The following P2RX7 variants were observed in gnomAD, a reference collection of about 807,000 sequenced individuals.
P2RX7 encodes the protein purinergic receptor P2X 7, also known as P2X purinoceptor 7.
P2RX7 carries 62 observed loss-of-function variants against 71.6 expected under a neutral mutation model. The ratio of observed to expected loss-of-function variants is 0.87; its 90% CI spans 0.71 to 1.07. P2RX7 has a LOEUF of 1.07. Among genes scored for constraint, P2RX7 ranks in the 50% least tolerant of loss-of-function variants. The probability of loss-of-function intolerance (pLI) is 0.00; values close to 1 mark genes in which losing one functional copy is unlikely to be tolerated. For missense variants in P2RX7, 686 were observed against 748.5 expected, an observed-to-expected ratio of 0.92 and a Z score of 0.97; for synonymous variants, 299 against 283.3, an observed-to-expected ratio of 1.06 and a Z score of -0.56.
chr12:121,136,660 T>G (rs1447276534), intron 1 of P2RX7, among the ~76,000 whole-genome samples: 1 of 148,318 alleles, frequency 6.7e-6, no homozygotes, highest in African/African-American at 2.5e-5. Context: ...TTTTTTTTTT[T>G]TTTTTGAGTT....
intron 4 of P2RX7, 99 bp from the exon 5 acceptor site, chr12:121,162,325 A>G (rs1879891295): frequency 2.6e-6 from 4 of 1,515,016 alleles, no homozygotes; most frequent in South Asian, 1.3e-5. Flanking sequence ...GTCAAAGCCT[A>G]GTCTCTCGCC....
chr12:121,156,428 C>T (rs926925117), intron 3 of P2RX7, among the ~76,000 whole-genome samples: 5 of 152,254 alleles, frequency 3.3e-5, no homozygotes, highest in African/African-American at 4.8e-5. Context: ...CTATCTCTGG[C>T]TCTCTTCGCA....
intron 1 of P2RX7, among the ~76,000 whole-genome samples, chr12:121,138,200 G>A (rs972057072): frequency 6.6e-6 from 1 of 152,338 alleles, no homozygotes; most frequent in East Asian, 1.9e-4. Flanking sequence ...GTCCTCGGAC[G>A]TGGATGAAGA....
At chr12:121,165,467 G>C (rs1565961340) in intron 6 of P2RX7, 30 bp downstream of exon 6, 2 of 1,518,760 alleles carry the variant, frequency 1.3e-6, no homozygotes, top group South Asian at 2.2e-5. Flanking sequence ...GGCTGTCTTA[G>C]TTATCTACTG....
intron 8 of P2RX7, among the ~76,000 whole-genome samples, chr12:121,173,146 C>G (rs553543006): frequency 2.4e-3 from 372 of 152,166 alleles, no homozygotes; most frequent in Non-Finnish European, 5.0e-3. Context: ...TGAGTGATGA[C>G]AGAGAGAGGT....
At chr12:121,144,846 CAA>C (rs971460992) in intron 1 of P2RX7, among the ~76,000 whole-genome samples, 12 of 152,070 alleles carry the variant, frequency 7.9e-5, no homozygotes, top group African/African-American at 2.9e-4. Flanking sequence ...GAGGATGAGT[CAA>C]AGAGTGCACC....
rs193183060 is a variant in P2RX7, at chr12:121,136,176, C to T, written c.125+3081C>T. ...TGCTGAAATCTAAAATAAGACATAT[C>T]ACTTAAACCAGCTATCATAGGACCA... On this transcript the variant is annotated intron_variant, in intron 1 of 12. Coordinates refer to ENST00000328963, the MANE Select transcript of P2RX7 (RefSeq NM_002562.6). 2.7e-5 allele frequency among the ~76,000 whole-genome samples: 4 copies of T among 147,356 alleles called. No individual in the cohort carries two copies. The Admixed American group carries it at 2.7e-4, about 10-fold the overall frequency.
chr12:121,171,035 G>T (rs1434222541), intron 8 of P2RX7, among the ~76,000 whole-genome samples: 2 of 152,058 alleles, frequency 1.3e-5, no homozygotes, highest in Admixed American at 6.6e-5. Context: ...AGTGGATCAG[G>T]CCACCCAGAA....
At chr12:121,172,271 C>A (rs1021750374) in intron 8 of P2RX7, among the ~76,000 whole-genome samples, 3 of 152,152 alleles carry the variant, frequency 2.0e-5, no homozygotes, top group Admixed American at 6.6e-5. Flanking sequence ...CAAACCAACT[C>A]ACATAGGGAG....
chr12:121,173,176 TTTTGTTTGTTTG>T (rs148833286), intron 8 of P2RX7, among the ~76,000 whole-genome samples: 1 of 150,776 alleles, frequency 6.6e-6, no homozygotes, highest in Non-Finnish European at 1.5e-5. Context: ...TCAAAGAATA[TTTTGTTTGTTTG>T]TTTGTTTGTT....
chr12:121,134,480 C>A (rs1245416457), intron 1 of P2RX7, among the ~76,000 whole-genome samples: 1 of 152,172 alleles, frequency 6.6e-6, no homozygotes, highest in African/African-American at 2.4e-5. Context: ...CAACCTCCAC[C>A]TCCCCGGTTC....
intron 8 of P2RX7, among the ~76,000 whole-genome samples, chr12:121,170,039 G>A (rs1461123090): frequency 6.6e-6 from 1 of 152,140 alleles, no homozygotes; most frequent in African/African-American, 2.4e-5. Context: ...TCTGTCATCT[G>A]CCTGGCCCCT....
At chr12:121,169,537 C>T (rs2857591) in intron 8 of P2RX7, among the ~76,000 whole-genome samples, 58,816 of 151,676 alleles carry the variant, frequency 0.39, 11,792 homozygotes, top group African/African-American at 0.45. Flanking sequence ...CAAAGCAGCT[C>T]CATAAACTGG....
Position 121,157,180 on chromosome 12 carries a change from A to G in P2RX7, c.363+1033A>G, listed in dbSNP as rs559847164. ...TGTGCTGTACCAGGGACCATTTCCA[A>G]CACTGACCGTTGCAGCAGCGCTGGT... is the stretch of plus-strand genomic sequence containing the variant. On this transcript the variant is annotated intron_variant, in intron 3 of 12. Coordinates refer to ENST00000328963, the MANE Select transcript of P2RX7 (RefSeq NM_002562.6). 2.3e-3 allele frequency among the ~76,000 whole-genome samples: 354 copies of G among 152,220 alleles called. 2 individuals carry two copies. The highest frequency in any genetic ancestry group is 7.9e-3 in the African/African-American group (330 of 41,526).
At position 121,180,339 on chromosome 12, in the gene P2RX7, A is replaced by G. The variant is rs201312284; in HGVS notation, c.1189-15A>G. The stretch of plus-strand genomic sequence containing the variant: ...TGTACAAAAATGGGTAAACTTTCAA[A>G]CCATCTTTTCCTAGACATTAAAGTA... On this transcript the variant is annotated splice_polypyrimidine_tract_variant and intron_variant, in intron 11 of 12. Coordinates refer to ENST00000328963, the MANE Select transcript of P2RX7 (RefSeq NM_002562.6). 4 of 1,478,720 alleles carry G rather than the reference A, an allele frequency of 2.7e-6. No individual in the cohort carries two copies. The highest frequency in any genetic ancestry group is 2.8e-6 in the Non-Finnish European group (3 of 1,079,812). The allele number at this position is 1,478,720 out of a possible 1,614,324, so 91.6% of individuals were successfully genotyped here.
intron 3 of P2RX7, among the ~76,000 whole-genome samples, chr12:121,159,920 C>T (rs1315335434): frequency 6.6e-6 from 1 of 152,164 alleles, no homozygotes. Context: ...TGAAAGTGAT[C>T]CCTAGCTTCC....
At chr12:121,179,432 G>A (rs1883733120) in intron 11 of P2RX7, among the ~76,000 whole-genome samples, 1 of 151,572 alleles carries the variant, frequency 6.6e-6, no homozygotes. Context: ...CCCAGGAGGT[G>A]GAGGTTGTGG....
Position 121,165,421 on chromosome 12 carries a change from G to C in P2RX7, c.598G>C (p.Gly200Arg). ...VLIKNNIDFP[G>R]HNYTTRNILP... ...CATCAAGAACAATATCGACTTCCCC[G>C]GCCACAACTACACCACGTAAGTGCC... The change falls in exon 6 of 13, where the codon GGC becomes CGC. Residue 200 changes from glycine (G) to arginine (R), a missense_variant. Coordinates refer to ENST00000328963, the MANE Select transcript of P2RX7 (RefSeq NM_002562.6). The C allele has an allele frequency of 6.2e-7, 1 of 1,613,794 alleles. No homozygotes were observed. The highest frequency in any genetic ancestry group is 1.1e-5 in the South Asian group (1 of 91,056).
chr12:121,185,782 G>A lies in P2RX7; in HGVS notation c.*980G>A, dbSNP rs985040846. The A allele has an allele frequency of 5.3e-5, 8 of 152,176 alleles. No individual in the cohort carries two copies. Among genetic ancestry groups the A allele is most frequent in the African/African-American group, 1.9e-4 (8 of 41,414 alleles). The allele number at this position is 152,176 out of a possible 1,614,324, so 9.4% of individuals were successfully genotyped here. ...AAAAGTCTGCCTATCCTGGCCAGGT[G>A]TGGTGGCTCACACCTGTAATCCCAG... On this transcript the variant is annotated 3_prime_UTR_variant, in exon 13 of 13. Transcript: ENST00000328963.
Sources: allele counts gnomAD v4.1 joint callset (sites outside exome capture counted in the v4.1 genomes callset), GRCh38; gene constraint gnomAD v4.1.1; transcripts MANE v1.5; gene names NCBI Gene and HGNC (gene_info 2026-07-23, HGNC 2026-07-21).